The following CHTOP variants were observed in gnomAD, a reference collection of about 807,000 sequenced individuals.
The protein encoded by CHTOP is chromatin target of PRMT1 protein.
In CHTOP, 18 loss-of-function variants were observed where a neutral mutation model predicts 33.6. The ratio of observed to expected loss-of-function variants is 0.54; its 90% CI spans 0.37 to 0.80. The LOEUF is 0.80. Among genes scored for constraint, CHTOP ranks in the 30% least tolerant of loss-of-function variants. CHTOP has a pLI of 0.00. For synonymous variants in CHTOP, 117 were observed against 127.7 expected (o/e 0.92, Z 0.56); for missense variants, 263 against 336.8 (o/e 0.78, Z 1.71).
chr1:153,642,128 G>A (rs1571320031), intron 3 of CHTOP, 118 bp from the exon 4 acceptor site: 1 of 776,586 alleles, frequency 1.3e-6, no homozygotes, highest in East Asian at 2.7e-5. Context: ...ACCCACAACA[G>A]GTTTATCTCC....
chr1:153,646,144 C>T lies in CHTOP; in HGVS notation c.*875C>T, dbSNP rs1668819076. 6.6e-6 allele frequency: 1 copy of T among 152,154 alleles called. No homozygotes were observed. The highest frequency in any genetic ancestry group is 1.5e-5 in the Non-Finnish European group (1 of 68,034). 9.4% of individuals were successfully genotyped at this position (152,154 alleles called of 1,614,324 possible). A position where few individuals can be genotyped will look rare whatever the true frequency, so the allele number is the denominator to read the frequency against. On this transcript the variant is annotated 3_prime_UTR_variant, in exon 6 of 6. Transcript: ENST00000368694. Reference sequence around the variant, plus strand: ...TAGCCATGCTAAAATGCAATTATATCCTCATGTTTATCCCAAACTAATCTT... The same window carrying T: ...TAGCCATGCTAAAATGCAATTATATTCTCATGTTTATCCCAAACTAATCTT...
At chr1:153,642,645 A>T (rs1355566503) in intron 4 of CHTOP, 5 of 393,736 alleles carry the variant, frequency 1.3e-5, no homozygotes, top group Non-Finnish European at 2.2e-5. Context: ...CCTGCGTAAC[A>T]ACAGGTAATT....
Position 153,634,071 on chromosome 1 carries a change from G to A in CHTOP, c.-290G>A, listed in dbSNP as rs1451425924. 1 of 152,776 alleles carries A rather than the reference G, an allele frequency of 6.5e-6. No homozygotes were observed. Among genetic ancestry groups the A allele is most frequent in the Non-Finnish European group, 1.5e-5 (1 of 68,108 alleles). The allele number at this position is 152,776 out of a possible 1,614,324, so 9.5% of individuals were successfully genotyped here. A position where few individuals can be genotyped will look rare whatever the true frequency, so the allele number is the denominator to read the frequency against. Reference sequence around the variant, plus strand: ...CGGTCAGACAAGCACTGGACGTGGCGGCCATTTTGTTTTGGACACCGAGCA... The same window carrying A: ...CGGTCAGACAAGCACTGGACGTGGCAGCCATTTTGTTTTGGACACCGAGCA... On this transcript the variant is annotated 5_prime_UTR_variant, in exon 1 of 6. Coordinates refer to ENST00000368694, the MANE Select transcript of CHTOP (RefSeq NM_015607.4).
At chr1:153,643,421 C>T (rs1025139244) in intron 5 of CHTOP, 57 bp downstream of exon 5, 7 of 1,459,994 alleles carry the variant, frequency 4.8e-6, no homozygotes, top group Non-Finnish European at 4.5e-6. Flanking sequence ...CCCTTAAAAA[C>T]TCAGAGCCAC....
intron 1 of CHTOP, 65 bp from the exon 2 acceptor site, chr1:153,636,507 C>G: frequency 7.3e-7 from 1 of 1,366,192 alleles, no homozygotes; most frequent in Non-Finnish European, 1.0e-6. Flanking sequence ...TTGGCTTGGG[C>G]CTTGCCACTT....
chr1:153,638,688 G>A (rs1169633162), intron 3 of CHTOP, among the ~76,000 whole-genome samples: 3 of 152,282 alleles, frequency 2.0e-5, no homozygotes, highest in Admixed American at 1.3e-4. Context: ...TTACCAATGA[G>A]TATTAATCTT....
At chr1:153,641,501 G>A (rs1668623387) in intron 3 of CHTOP, among the ~76,000 whole-genome samples, 1 of 152,162 alleles carries the variant, frequency 6.6e-6, no homozygotes, top group Non-Finnish European at 1.5e-5. Flanking sequence ...CATACGTTTG[G>A]CTGGCTGACT....
intron 3 of CHTOP, among the ~76,000 whole-genome samples, chr1:153,641,904 C>A (rs1668638886): frequency 6.6e-6 from 1 of 152,172 alleles, no homozygotes; most frequent in Admixed American, 6.5e-5. Flanking sequence ...GCAGTACAAT[C>A]CAGGATTGAA....
At chr1:153,643,720 C>A in intron 5 of CHTOP, 1 of 165,444 alleles carries the variant, frequency 6.0e-6, no homozygotes, top group Non-Finnish European at 1.3e-5. Flanking sequence ...CCTGTAGCTC[C>A]AAATCCTGGT....
chr1:153,640,832 C>G (rs772216337), intron 3 of CHTOP, among the ~76,000 whole-genome samples: 2 of 152,176 alleles, frequency 1.3e-5, no homozygotes, highest in African/African-American at 4.8e-5. Context: ...CAGCACACCT[C>G]TAGAAGGGAA....
At chr1:153,636,028 C>T (rs1160997348) in intron 1 of CHTOP, among the ~76,000 whole-genome samples, 1 of 151,856 alleles carries the variant, frequency 6.6e-6, no homozygotes, top group Non-Finnish European at 1.5e-5. Context: ...TCTAGCGATT[C>T]TCCCACCTCA....
chr1:153,638,539 A>G (rs771663870), intron 3 of CHTOP, 91 bp downstream of exon 3: 10 of 1,478,766 alleles, frequency 6.8e-6, no homozygotes, highest in African/African-American at 4.2e-5. Flanking sequence ...GATGATTGCA[A>G]AGTGGCTCAG....
chr1:153,637,034 T>C (rs1571314744), intron 2 of CHTOP: 1 of 173,088 alleles, frequency 5.8e-6, no homozygotes, highest in African/African-American at 2.4e-5. Context: ...AAGAGGCAGG[T>C]AGCAAGCCAT....
At position 153,636,023 on chromosome 1, in the gene CHTOP, C is replaced by T. The variant is rs913575336; in HGVS notation, c.-17-549C>T. Among the ~76,000 whole-genome samples the T allele has an allele frequency of 4.0e-5, 6 of 151,828 alleles. No homozygotes were observed. The South Asian group carries it at 1.0e-3, about 26-fold the overall frequency. On this transcript the variant is annotated intron_variant, in intron 1 of 5. Coordinates refer to ENST00000368694, the MANE Select transcript of CHTOP (RefSeq NM_015607.4). ...GCAGCCTCCAACCCCTGGGCTCTAG[C>T]GATTCTCCCACCTCAGCTCCCCTGA...
chr1:153,640,613 C>T (rs986323683), intron 3 of CHTOP, among the ~76,000 whole-genome samples: 1 of 152,098 alleles, frequency 6.6e-6, no homozygotes, highest in East Asian at 1.9e-4. Context: ...GACCCCGTCT[C>T]CACCAAAAAT....
At chr1:153,641,121 C>G (rs1481587023) in intron 3 of CHTOP, among the ~76,000 whole-genome samples, 1 of 152,192 alleles carries the variant, frequency 6.6e-6, no homozygotes, top group Non-Finnish European at 1.5e-5. Context: ...TGGAGCCTTC[C>G]CCACTGATGA....
At chr1:153,642,861 C>G in intron 4 of CHTOP, 1 of 296,768 alleles carries the variant, frequency 3.4e-6, no homozygotes, top group Non-Finnish European at 6.4e-6. Flanking sequence ...ATTTGGGGCA[C>G]TATTACTCTG....
At chr1:153,639,675 C>G (rs895289521) in intron 3 of CHTOP, among the ~76,000 whole-genome samples, 1 of 152,208 alleles carries the variant, frequency 6.6e-6, no homozygotes, top group Non-Finnish European at 1.5e-5. Flanking sequence ...AGATGAATCT[C>G]TGACAGATCA....
intron 1 of CHTOP, among the ~76,000 whole-genome samples, chr1:153,636,030 C>G (rs972709278): frequency 1.3e-5 from 2 of 151,886 alleles, no homozygotes; most frequent in African/African-American, 4.8e-5. Context: ...TAGCGATTCT[C>G]CCACCTCAGC....
Sources: allele counts gnomAD v4.1 joint callset (sites outside exome capture counted in the v4.1 genomes callset), GRCh38; gene constraint gnomAD v4.1.1; transcripts MANE v1.5; gene names NCBI Gene and HGNC (gene_info 2026-07-23, HGNC 2026-07-21).